The following PPP1R9B variants were observed in gnomAD, a reference collection of about 807,000 sequenced individuals.
The protein encoded by PPP1R9B is protein phosphatase 1 regulatory subunit 9B.
A neutral mutation model predicts 75.8 loss-of-function variants in PPP1R9B; 17 were observed. The ratio of observed to expected loss-of-function variants is 0.22; its 90% CI spans 0.15 to 0.34. The LOEUF is 0.34. Among genes scored for constraint, PPP1R9B ranks in the 10% least tolerant of loss-of-function variants. PPP1R9B has a pLI of 1.00. For missense variants in PPP1R9B, 875 were observed against 1,196.0 expected (o/e 0.73, Z 3.96); for synonymous variants, 509 against 535.4 (o/e 0.95, Z 0.68).
At chr17:50,143,229 TG>T (rs1306880470) in intron 3 of PPP1R9B, among the ~76,000 whole-genome samples, 23 of 152,130 alleles carry the variant, frequency 1.5e-4, no homozygotes, top group African/African-American at 5.6e-4. Context: ...GGCCCAACAC[TG>T]TCAGAGACTC....
rs776676630 is a variant in PPP1R9B, at chr17:50,139,359, G to A, written c.2020-43C>T. 5.0e-6 allele frequency: 8 copies of A among 1,613,710 alleles called. No individual in the cohort carries two copies. Among genetic ancestry groups the A allele is most frequent in the Non-Finnish European group, 6.8e-6 (8 of 1,179,874 alleles). Reference sequence around the variant, plus strand: ...AGGCACTCAGCTCCAGCAGGGTGGGGCAGGCAGTGCCAAGGGCAGGAGACC... The same window carrying A: ...AGGCACTCAGCTCCAGCAGGGTGGGACAGGCAGTGCCAAGGGCAGGAGACC... On this transcript the variant is annotated intron_variant, in intron 6 of 9. Coordinates refer to ENST00000612501, the MANE Select transcript of PPP1R9B (RefSeq NM_032595.5). The surrounding 1 kb of genome is among the most constrained non-coding windows in gnomAD (Gnocchi z 5.0).
intron 1 of PPP1R9B, among the ~76,000 whole-genome samples, chr17:50,146,602 G>A (rs1338032366): frequency 6.6e-6 from 1 of 152,200 alleles, no homozygotes; most frequent in African/African-American, 2.4e-5. Flanking sequence ...GTGCTCATAG[G>A]ACTAGAAGGC....
intron 8 of PPP1R9B, 83 bp from the exon 9 acceptor site, chr17:50,135,732 C>T: frequency 8.3e-7 from 1 of 1,209,594 alleles, no homozygotes; most frequent in Non-Finnish European, 1.2e-6. Context: ...TCAGCTTTAC[C>T]TGGGCAACTC....
rs1010279154 is a variant in PPP1R9B at position 50,135,833 on chromosome 17, C to A, written c.2303+135G>T. On this transcript the variant is annotated intron_variant, in intron 8 of 9. Transcript: ENST00000612501. ...GTGCTGGCTCTGATGCCTGGTCATTCCGGACCGGGTGTCCCCACCATGGGG... is the reference window on the plus strand; with the variant it reads ...GTGCTGGCTCTGATGCCTGGTCATTACGGACCGGGTGTCCCCACCATGGGG... 2.4e-5 allele frequency: 21 copies of A among 882,040 alleles called. No homozygotes were observed. In the African/African-American group the frequency reaches 3.5e-4, roughly 15 times the overall value. 54.6% of individuals were successfully genotyped at this position (882,040 alleles called of 1,614,324 possible). A position where few individuals can be genotyped will look rare whatever the true frequency, so the allele number is the denominator to read the frequency against.
chr17:50,142,070 GA>G lies in PPP1R9B; in HGVS notation c.1626-698del, dbSNP rs956164934. Among the ~76,000 whole-genome samples the G allele has an allele frequency of 9.2e-5, 14 of 152,140 alleles. No individual in the cohort carries two copies. The highest frequency in any genetic ancestry group is 3.4e-4 in the African/African-American group (14 of 41,422). On this transcript the variant is annotated intron_variant, in intron 3 of 9. Coordinates refer to ENST00000612501, the MANE Select transcript of PPP1R9B (RefSeq NM_032595.5). The surrounding 1 kb of genome is among the most constrained non-coding windows in gnomAD (Gnocchi z 4.1). ...GATGTCCTCCCAAGTCCCCAAGACC[GA>G]ATGGCACTCTCTCGAGTTCACACAC... is the stretch of plus-strand genomic sequence containing the variant.
chr17:50,146,867 A>G (rs1428035896), intron 1 of PPP1R9B, among the ~76,000 whole-genome samples: 1 of 152,170 alleles, frequency 6.6e-6, no homozygotes, highest in Admixed American at 6.5e-5. Flanking sequence ...TTTCCACTGC[A>G]CACATGCCCC....
chr17:50,140,069 G>A (rs559649120), intron 5 of PPP1R9B, 24 bp downstream of exon 5: 7 of 1,610,338 alleles, frequency 4.3e-6, no homozygotes, highest in Non-Finnish European at 5.9e-6. Flanking sequence ...CGACCACGCG[G>A]CCAGCCAGGC....
intron 7 of PPP1R9B, chr17:50,137,536 C>CCCTT (rs1407607344): frequency 6.5e-6 from 1 of 152,756 alleles, no homozygotes; most frequent in Non-Finnish European, 1.5e-5. Context: ...CGCTCACCTA[C>CCCTT]CCTTCCTTTC....
chr17:50,144,965 G>A (rs1037163662), intron 2 of PPP1R9B, 148 bp downstream of exon 2: 16 of 978,320 alleles, frequency 1.6e-5, no homozygotes, highest in African/African-American at 3.4e-5. Flanking sequence ...AGGGAGGAGC[G>A]GGGAAGGTCA....
At chr17:50,147,172 T>C (rs529055901) in intron 1 of PPP1R9B, among the ~76,000 whole-genome samples, 3 of 152,360 alleles carry the variant, frequency 2.0e-5, no homozygotes, top group African/African-American at 7.2e-5. Context: ...ATCCCAGGCC[T>C]GGGCTCAGAG....
At chr17:50,144,898 G>A (rs957685828) in intron 2 of PPP1R9B, among the ~76,000 whole-genome samples, 1 of 152,216 alleles carries the variant, frequency 6.6e-6, no homozygotes, top group Non-Finnish European at 1.5e-5. Flanking sequence ...CATGACCGGG[G>A]TGGTGGGGGT....
rs1912180660 is a variant in PPP1R9B, at chr17:50,134,995, A to G, written c.*336T>C. The G allele has an allele frequency of 2.9e-6, 1 of 339,008 alleles. No individual in the cohort carries two copies. The highest frequency in any genetic ancestry group is 5.6e-6 in the Non-Finnish European group (1 of 178,590). 21.0% of individuals were successfully genotyped at this position (339,008 alleles called of 1,614,324 possible). A position where few individuals can be genotyped will look rare whatever the true frequency, so the allele number is the denominator to read the frequency against. Reference sequence around the variant, plus strand: ...CAGCCCCGTTCCAGTCCAGAGACAAAAGCTGGAGTGTGTAAAGTCTGGCAG... The same window carrying G: ...CAGCCCCGTTCCAGTCCAGAGACAAGAGCTGGAGTGTGTAAAGTCTGGCAG... On this transcript the variant is annotated 3_prime_UTR_variant, in exon 10 of 10. Coordinates refer to ENST00000612501, the MANE Select transcript of PPP1R9B (RefSeq NM_032595.5).
At position 50,139,541 on chromosome 17, in the gene PPP1R9B, G is replaced by A; in HGVS notation, c.1907C>T (p.Pro636Leu). 1.3e-6 allele frequency: 2 copies of A among 1,589,888 alleles called. No homozygotes were observed. The highest frequency in any genetic ancestry group is 1.7e-6 in the Non-Finnish European group (2 of 1,166,814). ...YATDEDEELSPTFPGGEMAIE... is the reference protein window; with the variant it reads ...YATDEDEELSLTFPGGEMAIE... ...GGCCATCTCACCACCCGGGAACGTG[G>A]GGCTCAGCTCCTCATCCTCGTCAGT... The change falls in exon 6 of 10, where the codon CCC (proline) becomes CTC (leucine). Residue 636 changes from proline (P) to leucine (L), a missense_variant. By Grantham distance (98) the Pro-to-Leu change is moderately conservative. Coordinates refer to ENST00000612501, the MANE Select transcript of PPP1R9B (RefSeq NM_032595.5). The surrounding 1 kb of genome is among the most constrained non-coding windows in gnomAD (Gnocchi z 5.0).
rs1187385859 is a variant in PPP1R9B at position 50,141,942 on chromosome 17, CT to C, written c.1626-570del. 2.6e-5 allele frequency among the ~76,000 whole-genome samples: 4 copies of C among 152,322 alleles called. No individual in the cohort carries two copies. The South Asian group carries it at 6.2e-4, about 24-fold the overall frequency. ...ATACTTGACTGAGCGGTGTGACATT[CT>C]CAGAGTTCATCTCTGCCATGCACAC... On this transcript the variant is annotated intron_variant, in intron 3 of 9. Coordinates refer to ENST00000612501, the MANE Select transcript of PPP1R9B (RefSeq NM_032595.5).
chr17:50,135,446 C>T lies in PPP1R9B; in HGVS notation c.2401-62G>A, dbSNP rs374182688. 180 of 1,586,552 alleles carry T rather than the reference C, an allele frequency of 1.1e-4. 1 individual carries two copies. In the African/African-American group the frequency reaches 1.4e-3, roughly 12 times the overall value. ...CACCAGGCATGATCCCAGCCCCTTC[C>T]GCCCCCCGGTGAGGACATGGCATCC... On this transcript the variant is annotated intron_variant, in intron 9 of 9. Coordinates refer to ENST00000612501, the MANE Select transcript of PPP1R9B (RefSeq NM_032595.5).
In PPP1R9B at chr17:50,149,382, C is replaced by T. The variant is rs747427901; in HGVS notation, c.1132G>A (p.Glu378Lys). The change falls in exon 1 of 10, where the codon GAG becomes AAG. Residue 378 changes from glutamate to lysine, a missense_variant. Physicochemically the swap from Glu to Lys is moderately conservative, Grantham distance 56. This residue lies in a region of PPP1R9B where 449 missense variants were observed against 475.0 expected (regional missense o/e 0.95). Transcript: ENST00000612501. The surrounding 1 kb of genome is among the most constrained non-coding windows in gnomAD (Gnocchi z 7.2). ...NGRAPDVAPE[E>K]VDESKKEDFS... ...TCCTCCTTCTTGGATTCATCTACCT[C>T]CTCAGGGGCCACGTCCGGGGCCCGG... 4 of 1,612,984 alleles carry T rather than the reference C, an allele frequency of 2.5e-6. No homozygotes were observed. Among genetic ancestry groups the T allele is most frequent in the African/African-American group, 2.7e-5 (2 of 74,894 alleles).
intron 3 of PPP1R9B, among the ~76,000 whole-genome samples, chr17:50,141,981 C>T (rs1912395673): frequency 6.6e-6 from 1 of 152,198 alleles, no homozygotes; most frequent in African/African-American, 2.4e-5. Context: ...GCCAGGAGCC[C>T]CACAGCACAC....
rs1356098736 is a variant in PPP1R9B at position 50,139,736 on chromosome 17, G to A, written c.1867-155C>T. On this transcript the variant is annotated intron_variant, in intron 5 of 9. Transcript: ENST00000612501. This position sits in a 1 kb window ranked among gnomAD's most constrained non-coding sequence, Gnocchi z 5.0. Reference sequence around the variant, plus strand: ...CAGCCTGAGGCTGGACCAGAGACACGGTTTATGTCTTCCCCCAACAGCCTG... The same window carrying A: ...CAGCCTGAGGCTGGACCAGAGACACAGTTTATGTCTTCCCCCAACAGCCTG... Among the ~76,000 whole-genome samples the A allele has an allele frequency of 6.6e-6, 1 of 152,196 alleles. No homozygotes were observed. The highest frequency in any genetic ancestry group is 1.9e-4 in the East Asian group (1 of 5,192).
In PPP1R9B at chr17:50,150,316, C is replaced by A; in HGVS notation, c.198G>T (p.Thr66=). The A allele has an allele frequency of 1.4e-6, 2 of 1,447,430 alleles. No individual in the cohort carries two copies. Among genetic ancestry groups the A allele is most frequent in the South Asian group, 1.4e-5 (1 of 72,046 alleles). 89.7% of individuals were successfully genotyped at this position (1,447,430 alleles called of 1,614,324 possible). A position where few individuals can be genotyped will look rare whatever the true frequency, so the allele number is the denominator to read the frequency against. ...RIKSMFLQMG[T]TAGPSGEAGG... Reference sequence around the variant, plus strand: ...CCGCCTCGCCCGAGGGCCCCGCCGTCGTGCCCATCTGCAGGAACATACTTT... The same window carrying A: ...CCGCCTCGCCCGAGGGCCCCGCCGTAGTGCCCATCTGCAGGAACATACTTT... Residue 66 remains threonine, a synonymous_variant, in exon 1 of 10, where the codon ACG becomes ACT. Transcript: ENST00000612501. The surrounding 1 kb of genome is among the most constrained non-coding windows in gnomAD (Gnocchi z 8.7).
Sources: allele counts gnomAD v4.1 joint callset (sites outside exome capture counted in the v4.1 genomes callset), GRCh38; gene constraint gnomAD v4.1.1; regional missense constraint gnomAD v4.1.1; non-coding constraint Gnocchi (gnomAD v3.1); transcripts MANE v1.5; gene names NCBI Gene and HGNC (gene_info 2026-07-23, HGNC 2026-07-21).